NWD1: variants seen among roughly 807,000 people sequenced by gnomAD.
NWD1 encodes the protein NACHT and WD repeat domain containing 1.
A neutral mutation model predicts 135.1 loss-of-function variants in NWD1; 129 were observed. The observed-to-expected ratio is 0.96, with a 90% CI of 0.83 to 1.11. NWD1 has a LOEUF of 1.11. Ranked by LOEUF, NWD1 falls within the 50% of genes least tolerant of loss-of-function variation. NWD1 has a pLI of 0.00. For synonymous variants in NWD1, 773 were observed against 786.0 expected, an observed-to-expected ratio of 0.98 and a Z score of 0.28; for missense variants, 1,740 against 1,851.3, an observed-to-expected ratio of 0.94 and a Z score of 1.10.
chr19:16,787,904 A>AATC lies in NWD1; in HGVS notation c.2732-1039_2732-1037dup, dbSNP rs149004219. Among the ~76,000 whole-genome samples, 213 of 121,034 alleles carry AATC rather than the reference A, an allele frequency of 1.8e-3. 2 individuals are homozygous for AATC. Among genetic ancestry groups the AATC allele is most frequent in the Non-Finnish European group, 2.6e-3 (151 of 58,338 alleles). The allele number at this position is 121,034 out of a possible 152,430, so 79.4% of individuals were successfully genotyped here. On this transcript the variant is annotated intron_variant, in intron 12 of 18. Transcript: ENST00000524140. The stretch of plus-strand genomic sequence containing the variant: ...TAATAATAATAATAATAATAATAAT[A>AATC]ATCATCATCATCATCATCATCATCA...
intron 2 of NWD1, among the ~76,000 whole-genome samples, chr19:16,726,542 C>A (rs1005351116): frequency 6.6e-6 from 1 of 151,394 alleles, no homozygotes; most frequent in African/African-American, 2.4e-5. Context: ...TGAGTTCAAG[C>A]GATTCTCCTG....
intron 6 of NWD1, among the ~76,000 whole-genome samples, chr19:16,754,834 T>A (rs1216651663): frequency 6.6e-6 from 1 of 150,892 alleles, no homozygotes; most frequent in Non-Finnish European, 1.5e-5. Flanking sequence ...ATCATCTCTA[T>A]CTTCCCTGCA....
intron 2 of NWD1, among the ~76,000 whole-genome samples, chr19:16,729,425 T>C (rs1364320994): frequency 6.6e-6 from 1 of 151,940 alleles, no homozygotes; most frequent in Admixed American, 6.6e-5. Context: ...TTCTGATCCT[T>C]TGGGTCTCAG....
chr19:16,803,932 A>G (rs1337493646), intron 17 of NWD1, among the ~76,000 whole-genome samples: 1 of 151,882 alleles, frequency 6.6e-6, no homozygotes, highest in African/African-American at 2.4e-5. Context: ...CACCCGAAAA[A>G]AAAAAGAAAA....
chr19:16,724,246 T>C (rs967686824), intron 1 of NWD1, 120 bp from the exon 2 acceptor site: 2 of 152,214 alleles, frequency 1.3e-5, no homozygotes, highest in African/African-American at 2.4e-5. Context: ...AACCGCCTTG[T>C]TGATGTTTTG....
chr19:16,794,603 G>A, intron 15 of NWD1, 50 bp downstream of exon 15: 3 of 1,275,652 alleles, frequency 2.4e-6, no homozygotes, highest in African/African-American at 1.5e-5. Context: ...TCAGGATCAG[G>A]TTGGAGAAGG....
At chr19:16,805,200 A>C (rs1296894476) in intron 17 of NWD1, among the ~76,000 whole-genome samples, 2 of 151,908 alleles carry the variant, frequency 1.3e-5, no homozygotes, top group African/African-American at 4.8e-5. Context: ...CTGAGATTAC[A>C]GGTGTGCAGC....
intron 3 of NWD1, among the ~76,000 whole-genome samples, chr19:16,731,551 C>T (rs1025082790): frequency 3.3e-5 from 5 of 150,974 alleles, no homozygotes; most frequent in Admixed American, 1.3e-4. Context: ...GTGATCTGCC[C>T]GCCTCGGCCT....
intron 3 of NWD1, among the ~76,000 whole-genome samples, chr19:16,735,430 C>T (rs867532537): frequency 4.0e-5 from 6 of 150,346 alleles, no homozygotes; most frequent in African/African-American, 4.9e-5. Flanking sequence ...TGCTTGAACT[C>T]GGGAGGCGGA....
intron 6 of NWD1, among the ~76,000 whole-genome samples, chr19:16,752,715 G>A (rs910301814): frequency 9.9e-5 from 15 of 152,006 alleles, no homozygotes; most frequent in East Asian, 3.9e-4. Context: ...GTACAAATAC[G>A]GCGTGGTGTG....
At chr19:16,779,894 C>T (rs1284437831) in intron 12 of NWD1, among the ~76,000 whole-genome samples, 1 of 152,112 alleles carries the variant, frequency 6.6e-6, no homozygotes, top group Non-Finnish European at 1.5e-5. Flanking sequence ...CCTTAGCCTA[C>T]CAAGTAGCTG....
chr19:16,796,409 C>T (rs1346691585), intron 15 of NWD1, among the ~76,000 whole-genome samples: 1 of 152,004 alleles, frequency 6.6e-6, no homozygotes, highest in African/African-American at 2.4e-5. Context: ...TTGCAGTGAG[C>T]CAAGATCATG....
chr19:16,761,929 T>C (rs766091256), intron 7 of NWD1, 50 bp from the exon 8 acceptor site: 3 of 1,534,568 alleles, frequency 2.0e-6, no homozygotes, highest in South Asian at 2.3e-5. Context: ...CAGCCACCTT[T>C]GAGCTTGATG....
chr19:16,771,765 C>T (rs1451964736), intron 10 of NWD1, among the ~76,000 whole-genome samples: 1 of 151,820 alleles, frequency 6.6e-6, no homozygotes, highest in African/African-American at 2.4e-5. Context: ...TCCGTACATC[C>T]AAGCACGCTG....
In NWD1 at chr19:16,761,262, A is replaced by G. The variant is rs1344076245; in HGVS notation, c.1974-717A>G. ...GACCAGGTTTTGTTTATCTTCGTCT[A>G]TGGATGGACACTTGCATTGTTTCCA... On this transcript the variant is annotated intron_variant, in intron 7 of 18. Coordinates refer to ENST00000524140, the MANE Select transcript of NWD1 (RefSeq NM_001007525.5). 2.6e-5 allele frequency among the ~76,000 whole-genome samples: 4 copies of G among 151,942 alleles called. No homozygotes were observed. The East Asian group carries it at 7.7e-4, about 29-fold the overall frequency.
At chr19:16,724,154 A>C (rs1261620132) in intron 1 of NWD1, among the ~76,000 whole-genome samples, 2 of 152,216 alleles carry the variant, frequency 1.3e-5, no homozygotes, top group African/African-American at 4.8e-5. Flanking sequence ...AAAGGTTTGA[A>C]AATACAGTTG....
chr19:16,808,660 T>C (rs1368170316), intron 18 of NWD1, among the ~76,000 whole-genome samples: 1 of 152,028 alleles, frequency 6.6e-6, no homozygotes, highest in Non-Finnish European at 1.5e-5. Context: ...GAGGCTGTAG[T>C]ACAGTGGCAC....
chr19:16,783,002 CTCTTTCTTTCTTTCCT>C (rs1426832570), intron 12 of NWD1, among the ~76,000 whole-genome samples: 3 of 128,086 alleles, frequency 2.3e-5, no homozygotes, highest in African/African-American at 3.6e-5. Context: ...CTTTCTCTCT[CTCTTTCTTTCTTTCCT>C]TCTTTCTTTC....
At position 16,762,071 on chromosome 19, in the gene NWD1, G is replaced by A. The variant is rs1256372112; in HGVS notation, c.2066G>A (p.Trp689Ter). ...GVLADFFSGT[W>*]SQGTKKLITL... ...CTGGCCGACTTCTTCTCAGGGACCT[G>A]GAGCCAGGGTACCAAGAAGCTCATC... The change falls in exon 8 of 19, where the codon TGG becomes TAG. Residue 689 changes from tryptophan to a stop codon, truncating the protein, a stop_gained. Coordinates refer to ENST00000524140, the MANE Select transcript of NWD1 (RefSeq NM_001007525.5). LOFTEE classifies it high-confidence loss of function. 9.9e-6 allele frequency: 16 copies of A among 1,613,962 alleles called. No homozygotes were observed. The highest frequency in any genetic ancestry group is 1.4e-5 in the Non-Finnish European group (16 of 1,180,000).
Sources: allele counts gnomAD v4.1 joint callset (sites outside exome capture counted in the v4.1 genomes callset), GRCh38; gene constraint gnomAD v4.1.1; transcripts MANE v1.5; gene names NCBI Gene and HGNC (gene_info 2026-07-23, HGNC 2026-07-21).